RAF1: variants seen among roughly 807,000 people sequenced by gnomAD.
RAF1 encodes RAF proto-oncogene serine/threonine-protein kinase.
RAF1 carries 27 observed loss-of-function variants against 81.1 expected under a neutral mutation model. The observed-to-expected ratio is 0.33, with a 90% confidence interval of 0.25 to 0.46. The LOEUF (loss-of-function observed/expected upper bound fraction) is 0.46, where lower values mean the gene tolerates loss of function less well. Ranked by LOEUF, RAF1 falls within the 20% of genes least tolerant of loss-of-function variation. The pLI, the probability that RAF1 is intolerant of heterozygous loss-of-function variation, is 1.00. For missense variants in RAF1, 598 were observed against 826.0 expected, an observed-to-expected ratio of 0.72 and a Z score of 3.38; for synonymous variants, 298 against 294.0, an observed-to-expected ratio of 1.01 and a Z score of -0.14.
chr3:12,613,912 G>C (rs1480907442), intron 2 of RAF1, among the ~76,000 whole-genome samples: 1 of 152,178 alleles, frequency 6.6e-6, no homozygotes, highest in Non-Finnish European at 1.5e-5. Flanking sequence ...GATTAGTCGA[G>C]AAGGTGATGG....
At chr3:12,656,781 G>A (rs1230893427) in intron 1 of RAF1, among the ~76,000 whole-genome samples, 1 of 152,102 alleles carries the variant, frequency 6.6e-6, no homozygotes, top group Non-Finnish European at 1.5e-5. Context: ...TGGATCATCT[G>A]CAGTCAGGAG....
chr3:12,644,200 T>C (rs1417918693), intron 1 of RAF1, among the ~76,000 whole-genome samples: 2 of 152,218 alleles, frequency 1.3e-5, no homozygotes, highest in Non-Finnish European at 2.9e-5. Flanking sequence ...AGACTACAAT[T>C]ATTAAAAACT....
At chr3:12,635,972 C>CA (rs989931764) in intron 1 of RAF1, among the ~76,000 whole-genome samples, 2,244 of 130,332 alleles carry the variant, frequency 0.017, 53 homozygotes, top group African/African-American at 0.054. Context: ...GACTCCACCT[C>CA]AAAAAAAAAA....
chr3:12,596,024 C>A (rs555390469), intron 11 of RAF1, among the ~76,000 whole-genome samples: 1 of 151,276 alleles, frequency 6.6e-6, no homozygotes, highest in Non-Finnish European at 1.5e-5. Context: ...AACAGACACA[C>A]AGCACCATGG....
chr3:12,661,265 CA>C (rs1226454900), intron 1 of RAF1, among the ~76,000 whole-genome samples: 3 of 152,132 alleles, frequency 2.0e-5, no homozygotes, highest in African/African-American at 7.2e-5. Context: ...GATTTTATAA[CA>C]GGTTGTTATC....
Position 12,583,613 on chromosome 3 carries a change from T to TTAA in RAF1, c.*898_*900dup, listed in dbSNP as rs1383692748. On this transcript the variant is annotated 3_prime_UTR_variant, in exon 18 of 18. Coordinates refer to ENST00000442415, the MANE Select transcript of RAF1 (RefSeq NM_001354689.3). Reference sequence around the variant, plus strand: ...TAACAGCCAGCCATTACACCTAAATTTAATTTATTTTATTAAAATAACATA... The same window carrying TTAA: ...TAACAGCCAGCCATTACACCTAAATTTAATAATTTATTTTATTAAAATAACATA... 2 of 231,480 alleles carry TTAA rather than the reference T, an allele frequency of 8.6e-6. No homozygotes were observed. Among genetic ancestry groups the TTAA allele is most frequent in the African/African-American group, 4.4e-5 (2 of 45,240 alleles). The allele number at this position is 231,480 out of a possible 1,614,324, so 14.3% of individuals were successfully genotyped here. A position where few individuals can be genotyped will look rare whatever the true frequency, so the allele number is the denominator to read the frequency against.
chr3:12,599,776 A>G lies in RAF1; in HGVS notation c.1083T>C (p.Tyr361=), dbSNP rs373173925. 3.1e-6 allele frequency: 5 copies of G among 1,614,080 alleles called. No individual in the cohort carries two copies. Among genetic ancestry groups the G allele is most frequent in the Admixed American group, 3.3e-5 (2 of 60,008 alleles). The change falls in exon 11 of 18, where the codon TAT becomes TAC. Residue 361 remains tyrosine (Y), a synonymous_variant. Transcript: ENST00000442415. ...TCACTTCACTGGCTTCTATTTCCCA[A>G]TAATAGCTTGAATCTCTCTGTCCAC...
At chr3:12,605,659 C>G (rs2125404541) in intron 6 of RAF1, among the ~76,000 whole-genome samples, 1 of 152,190 alleles carries the variant, frequency 6.6e-6, no homozygotes, top group East Asian at 1.9e-4. Flanking sequence ...ATAAACGCAA[C>G]AAAACTGATT....
intron 1 of RAF1, among the ~76,000 whole-genome samples, chr3:12,620,888 ACATT>A (rs1559451515): frequency 7.2e-6 from 1 of 139,652 alleles, no homozygotes; most frequent in Admixed American, 7.2e-5. Flanking sequence ...TTCTACCATA[ACATT>A]CAGAGTTCAG....
intron 3 of RAF1, among the ~76,000 whole-genome samples, chr3:12,610,882 G>A (rs964749369): frequency 6.6e-6 from 1 of 152,136 alleles, no homozygotes; most frequent in Non-Finnish European, 1.5e-5. Context: ...CCTTTGAGGG[G>A]ATGCCTCTAT....
At chr3:12,643,736 C>CA (rs11328513) in intron 1 of RAF1, among the ~76,000 whole-genome samples, 2,336 of 142,138 alleles carry the variant, frequency 0.016, 21 homozygotes, top group Middle Eastern at 0.019. Context: ...AACTCTGTCT[C>CA]AAAAAAAAAA....
At chr3:12,637,836 G>C (rs541107996) in intron 1 of RAF1, among the ~76,000 whole-genome samples, 13 of 152,164 alleles carry the variant, frequency 8.5e-5, no homozygotes, top group African/African-American at 3.1e-4. Flanking sequence ...CTGGGCGATA[G>C]AGCAAGACTG....
intron 1 of RAF1, among the ~76,000 whole-genome samples, chr3:12,662,394 T>TA (rs571784559): frequency 3.5e-5 from 3 of 85,790 alleles, no homozygotes; most frequent in Non-Finnish European, 8.2e-5. Flanking sequence ...TCTGAAAAAA[T>TA]AAAAAAAAAT....
chr3:12,632,123 C>T (rs2059880356), intron 1 of RAF1, among the ~76,000 whole-genome samples: 1 of 69,944 alleles, frequency 1.4e-5, no homozygotes, highest in African/African-American at 8.2e-5. Context: ...GTCAGTAGTT[C>T]GAGACCAGCC....
At chr3:12,626,709 G>C (rs1232682279) in intron 1 of RAF1, among the ~76,000 whole-genome samples, 2 of 151,836 alleles carry the variant, frequency 1.3e-5, no homozygotes, top group African/African-American at 2.4e-5. Context: ...CAATGATAAA[G>C]TTTTTTTTGT....
chr3:12,608,926 A>G lies in RAF1; in HGVS notation c.424-3T>C, dbSNP rs758796523. 5 of 1,614,110 alleles carry G rather than the reference A, an allele frequency of 3.1e-6. No homozygotes were observed. Among genetic ancestry groups the G allele is most frequent in the Non-Finnish European group, 4.2e-6 (5 of 1,179,978 alleles). ...AGCTTCAGGAACGTCTTCCGAGCCT[A>G]CAACAAGAACACAGGTGTAAATTAT... On this transcript the variant is annotated splice_region_variant and splice_polypyrimidine_tract_variant and intron_variant, in intron 4 of 17. Coordinates refer to ENST00000442415, the MANE Select transcript of RAF1 (RefSeq NM_001354689.3).
Position 12,604,119 on chromosome 3 carries a change from C to T in RAF1, c.834+17G>A, listed in dbSNP as rs1277822453. 4 of 1,613,634 alleles carry T rather than the reference C, an allele frequency of 2.5e-6. No individual in the cohort carries two copies. Among genetic ancestry groups the T allele is most frequent in the African/African-American group, 2.7e-5 (2 of 74,882 alleles). Reference sequence around the variant, plus strand: ...CATTAATTGACTGACATTACCACCCCCAAGGTGCCCTATTACCTCAATCAT... The same window carrying T: ...CATTAATTGACTGACATTACCACCCTCAAGGTGCCCTATTACCTCAATCAT... On this transcript the variant is annotated intron_variant, in intron 7 of 17. Coordinates refer to ENST00000442415, the MANE Select transcript of RAF1 (RefSeq NM_001354689.3).
intron 1 of RAF1, among the ~76,000 whole-genome samples, chr3:12,652,676 A>G (rs1281339753): frequency 2.0e-5 from 3 of 152,182 alleles, no homozygotes. Context: ...AGCCAGGTGC[A>G]GTGGCTCACA....
intron 5 of RAF1, among the ~76,000 whole-genome samples, chr3:12,607,275 T>C (rs559248378): frequency 6.6e-6 from 1 of 152,198 alleles, no homozygotes; most frequent in Non-Finnish European, 1.5e-5. Context: ...ATCCCCTTTA[T>C]TCAGATGCAT....
Sources: gnomAD v4.1 joint callset for allele counts (sites outside exome capture counted in the v4.1 genomes callset) on GRCh38, gnomAD v4.1.1 for gene constraint, MANE v1.5 for transcripts, NCBI Gene and HGNC (gene_info 2026-07-23, HGNC 2026-07-21) for gene names.